Variants in IDE observed in about 807,000 individuals in gnomAD.
IDE encodes insulin-degrading enzyme.
In IDE, 58 loss-of-function variants were observed where a neutral mutation model predicts 133.2. The ratio of observed to expected loss-of-function variants is 0.44; its 90% CI spans 0.35 to 0.54. IDE has a LOEUF of 0.54. Among genes scored for constraint, IDE ranks in the 20% least tolerant of loss-of-function variants. IDE has a pLI of 0.00. For missense variants in IDE, 981 were observed against 1,234.0 expected (o/e 0.79, Z 3.07); for synonymous variants, 396 against 421.3 (o/e 0.94, Z 0.73).
chr10:92,506,540 T>A lies in IDE; in HGVS notation c.1246-18A>T. On this transcript the variant is annotated intron_variant, in intron 9 of 24. Coordinates refer to ENST00000265986, the MANE Select transcript of IDE (RefSeq NM_004969.4). ...TTCAAGTCCTAAAATAGAAAGTTAA[T>A]CCAATTAGATACGGCCACCCTTATT... 2 of 1,283,478 alleles carry A rather than the reference T, an allele frequency of 1.6e-6. No individual in the cohort carries two copies. The highest frequency in any genetic ancestry group is 2.3e-6 in the Non-Finnish European group (2 of 885,064). The allele number at this position is 1,283,478 out of a possible 1,614,324, so 79.5% of individuals were successfully genotyped here. A position where few individuals can be genotyped will look rare whatever the true frequency, so the allele number is the denominator to read the frequency against.
At chr10:92,460,548 A>C (rs536232065) in intron 22 of IDE, among the ~76,000 whole-genome samples, 34 of 152,242 alleles carry the variant, frequency 2.2e-4, no homozygotes, top group Middle Eastern at 3.4e-3. Flanking sequence ...GCCACACTGG[A>C]AGAAGAAGAA....
At chr10:92,458,513 T>G (rs1221461558) in intron 22 of IDE, among the ~76,000 whole-genome samples, 2 of 118,854 alleles carry the variant, frequency 1.7e-5, no homozygotes, top group African/African-American at 2.9e-5. Context: ...TTTTTTTTTT[T>G]TTTTTTGAGA....
chr10:92,528,399 G>A lies in IDE; in HGVS notation c.661+3349C>T, dbSNP rs139478722. On this transcript the variant is annotated intron_variant, in intron 4 of 24. Transcript: ENST00000265986. The stretch of plus-strand genomic sequence containing the variant: ...TCACTTTGGACTACTAAAACTGTGG[G>A]TCAGGACCCATTATATTGTAATTAA... 3.7e-3 allele frequency among the ~76,000 whole-genome samples: 562 copies of A among 151,530 alleles called. 1 individual carries two copies. The highest frequency in any genetic ancestry group is 6.9e-3 in the Non-Finnish European group (466 of 67,920).
At chr10:92,498,123 G>A (rs1439462380) in intron 11 of IDE, among the ~76,000 whole-genome samples, 1 of 152,138 alleles carries the variant, frequency 6.6e-6, no homozygotes, top group Non-Finnish European at 1.5e-5. Flanking sequence ...GATGAGCAGG[G>A]TTCAAGGAAA....
intron 10 of IDE, among the ~76,000 whole-genome samples, chr10:92,505,401 CT>C (rs978529365): frequency 6.6e-6 from 1 of 152,126 alleles, no homozygotes; most frequent in Non-Finnish European, 1.5e-5. Flanking sequence ...GCAGAAGATG[CT>C]TTTTGGTAAG....
chr10:92,525,798 C>T (rs941796708), intron 4 of IDE, among the ~76,000 whole-genome samples: 3 of 143,882 alleles, frequency 2.1e-5, no homozygotes, highest in Non-Finnish European at 4.6e-5. Context: ...TTTATAATAG[C>T]TACAAAAAAC....
chr10:92,546,090 G>T (rs1181369131), intron 1 of IDE, among the ~76,000 whole-genome samples: 1 of 152,140 alleles, frequency 6.6e-6, no homozygotes, highest in African/African-American at 2.4e-5. Flanking sequence ...ATAGAACAAA[G>T]CACAATAAAC....
At chr10:92,487,426 A>G (rs1445746713) in intron 12 of IDE, 108 bp from the exon 13 acceptor site, 1 of 934,502 alleles carries the variant, frequency 1.1e-6, no homozygotes. Flanking sequence ...AATGTCACAC[A>G]GCATTGTTTT....
chr10:92,521,589 G>T (rs921932057), intron 4 of IDE, among the ~76,000 whole-genome samples: 1 of 151,850 alleles, frequency 6.6e-6, no homozygotes, highest in Non-Finnish European at 1.5e-5. Context: ...CTCACTTTGG[G>T]GTCCTAGCAC....
At chr10:92,540,459 G>C (rs968882581) in intron 1 of IDE, among the ~76,000 whole-genome samples, 7 of 152,176 alleles carry the variant, frequency 4.6e-5, no homozygotes, top group African/African-American at 1.7e-4. Context: ...CACCCAGCAA[G>C]AAGGGCAGTG....
chr10:92,536,379 G>A (rs1249578299), intron 2 of IDE, among the ~76,000 whole-genome samples: 5 of 122,706 alleles, frequency 4.1e-5, no homozygotes, highest in Non-Finnish European at 6.6e-5. Context: ...GTGAAACTCC[G>A]TCTCAAAAAA....
chr10:92,559,613 G>C (rs996736052), intron 1 of IDE, among the ~76,000 whole-genome samples: 4 of 152,178 alleles, frequency 2.6e-5, no homozygotes, highest in Non-Finnish European at 4.4e-5. Flanking sequence ...GCTCAGGGAA[G>C]AGTGGAATAG....
In IDE at chr10:92,562,922, C is replaced by A. The variant is rs182565720; in HGVS notation, c.98+11000G>T. The stretch of plus-strand genomic sequence containing the variant: ...TGGGAGGCCAAGGCGGGTGGATCAT[C>A]TGAAGTCAGGAGTTCAAGACCAGCC... On this transcript the variant is annotated intron_variant, in intron 1 of 24. Transcript: ENST00000265986. Among the ~76,000 whole-genome samples the A allele has an allele frequency of 4.1e-4, 63 of 152,142 alleles. No individual in the cohort carries two copies. The East Asian group carries it at 0.012, about 29-fold the overall frequency.
intron 22 of IDE, among the ~76,000 whole-genome samples, chr10:92,456,866 A>G (rs923777228): frequency 5.3e-5 from 8 of 150,018 alleles, no homozygotes; most frequent in Admixed American, 4.0e-4. Flanking sequence ...AAAAAAAAAA[A>G]AAAAAAAGAA....
chr10:92,543,346 G>A lies in IDE; in HGVS notation c.99-5796C>T, dbSNP rs1232351385. On this transcript the variant is annotated intron_variant, in intron 1 of 24. Coordinates refer to ENST00000265986, the MANE Select transcript of IDE (RefSeq NM_004969.4). ...AAGATAGTGGTGGTATGAGCCCAAG[G>A]ATGCCTCAACATATTAATGCTTAAG... is the stretch of plus-strand genomic sequence containing the variant. Among the ~76,000 whole-genome samples the A allele has an allele frequency of 3.3e-5, 5 of 152,254 alleles. No homozygotes were observed. In the East Asian group the frequency reaches 7.7e-4, roughly 23 times the overall value.
chr10:92,537,510 T>A lies in IDE; in HGVS notation c.139A>T (p.Ile47Phe). The change falls in exon 2 of 25, where the codon ATC (isoleucine) becomes TTC (phenylalanine). Residue 47 changes from isoleucine (I) to phenylalanine (F), a missense_variant. Physicochemically the swap from Ile to Phe is conservative, Grantham distance 21. Around this residue, in one of 2 missense-constraint regions of IDE, gnomAD observed 321 missense variants for 339.3 expected, o/e 0.95. Transcript: ENST00000265986. ...KTYSKMNNPAIKRIGNHITKS... is the reference protein window; with the variant it reads ...KTYSKMNNPAFKRIGNHITKS... The stretch of plus-strand genomic sequence containing the variant: ...GTAATGTGATTTCCTATTCTCTTGA[T>A]GGCTGGATTATTCATTTTGCTGTAA... 1 of 1,604,292 alleles carries A rather than the reference T, an allele frequency of 6.2e-7. No homozygotes were observed.
intron 5 of IDE, among the ~76,000 whole-genome samples, chr10:92,512,557 A>AT (rs1256764751): frequency 7.6e-6 from 1 of 130,786 alleles, no homozygotes; most frequent in Non-Finnish European, 1.6e-5. Context: ...TACAACATAG[A>AT]TTAAAAAAAA....
chr10:92,568,830 T>A (rs560969353), intron 1 of IDE, among the ~76,000 whole-genome samples: 257 of 147,838 alleles, frequency 1.7e-3, no homozygotes, highest in Non-Finnish European at 2.0e-3. Flanking sequence ...AAAAAAATAA[T>A]AATAATAATA....
intron 13 of IDE, among the ~76,000 whole-genome samples, chr10:92,485,983 A>G (rs1846970329): frequency 6.6e-6 from 1 of 152,222 alleles, no homozygotes; most frequent in Non-Finnish European, 1.5e-5. Flanking sequence ...TAAACAATAC[A>G]TAAAAAACAG....
Sources: allele counts gnomAD v4.1 joint callset (sites outside exome capture counted in the v4.1 genomes callset), GRCh38; gene constraint gnomAD v4.1.1; regional missense constraint gnomAD v4.1.1; transcripts MANE v1.5; gene names NCBI Gene and HGNC (gene_info 2026-07-23, HGNC 2026-07-21).